The following COL25A1 variants were observed in gnomAD, a reference collection of about 807,000 sequenced individuals.
The protein encoded by COL25A1 is collagen type XXV alpha 1 chain.
COL25A1 carries 103 observed loss-of-function variants against 128.4 expected under a neutral mutation model. That is an observed-to-expected ratio of 0.80 (90% CI 0.68 to 0.94). The LOEUF (loss-of-function observed/expected upper bound fraction) is 0.94, where lower values mean the gene tolerates loss of function less well. COL25A1 is among the 40% of genes least tolerant of loss of function. The pLI, the probability that COL25A1 is intolerant of heterozygous loss-of-function variation, is 0.00. For missense variants in COL25A1, 745 were observed against 840.0 expected, an observed-to-expected ratio of 0.89 and a Z score of 1.40; for synonymous variants, 279 against 277.2, an observed-to-expected ratio of 1.01 and a Z score of -0.06.
At chr4:109,226,014 C>T (rs1778778747) in intron 3 of COL25A1, among the ~76,000 whole-genome samples, 2 of 151,932 alleles carry the variant, frequency 1.3e-5, no homozygotes, top group South Asian at 4.2e-4. Context: ...CACACACACA[C>T]ACACACACAC....
chr4:109,192,841 G>A (rs933283430), intron 3 of COL25A1, among the ~76,000 whole-genome samples: 3 of 150,830 alleles, frequency 2.0e-5, no homozygotes, highest in Non-Finnish European at 2.9e-5. Flanking sequence ...GCAACAGAGC[G>A]AGACTCTGTC....
chr4:108,941,411 C>G lies in COL25A1; in HGVS notation c.519G>C (p.Gly173=). Residue 173 remains glycine, a synonymous_variant, in exon 9 of 38, where the codon GGG becomes GGC. Transcript: ENST00000399132. ...PRMVFPKINH[G]FLSADQQLIK... is the part of the protein sequence containing the mutation. Reference sequence around the variant, plus strand: ...TGAGCTGCTGATCAGCAGAGAGAAACCCATGATTGATTTTAGGAAACACCA... The same window carrying G: ...TGAGCTGCTGATCAGCAGAGAGAAAGCCATGATTGATTTTAGGAAACACCA... 6.2e-7 allele frequency: 1 copy of G among 1,613,884 alleles called. No individual in the cohort carries two copies. Among genetic ancestry groups the G allele is most frequent in the Non-Finnish European group, 8.5e-7 (1 of 1,179,886 alleles).
intron 11 of COL25A1, among the ~76,000 whole-genome samples, chr4:108,933,401 GAGA>G (rs1746986088): frequency 6.6e-6 from 1 of 152,142 alleles, no homozygotes. Context: ...ATAAGTGGGC[GAGA>G]AGGAGAATGT....
intron 3 of COL25A1, among the ~76,000 whole-genome samples, chr4:109,187,630 A>C: frequency 6.6e-6 from 1 of 152,336 alleles, no homozygotes; most frequent in African/African-American, 2.4e-5. Flanking sequence ...AATGAAGCTA[A>C]TAGACAGTTT....
intron 3 of COL25A1, among the ~76,000 whole-genome samples, chr4:109,293,193 C>A (rs551518019): frequency 4.6e-5 from 7 of 152,014 alleles, no homozygotes; most frequent in East Asian, 3.9e-4. Flanking sequence ...TCTTAAAGAT[C>A]AAAAATGGAG....
intron 3 of COL25A1, among the ~76,000 whole-genome samples, chr4:109,132,168 G>A (rs1318170101): frequency 6.6e-6 from 1 of 152,142 alleles, no homozygotes; most frequent in Non-Finnish European, 1.5e-5. Context: ...ACCCAACAAA[G>A]CCTCATGGAG....
chr4:108,942,308 A>G, intron 8 of COL25A1: 1 of 1,531,612 alleles, frequency 6.5e-7, no homozygotes, highest in Non-Finnish European at 8.8e-7. Flanking sequence ...ACGACATAAA[A>G]CGTCACACAG....
In COL25A1 at chr4:108,811,708, G is replaced by C. The variant is rs1057119494; in HGVS notation, c.*2219C>G. On this transcript the variant is annotated 3_prime_UTR_variant, in exon 38 of 38. Coordinates refer to ENST00000399132, the MANE Select transcript of COL25A1 (RefSeq NM_198721.4). ...CTAACACCATGCCATACAAGAAATT[G>C]TTAGAAAATGTCCTCCATTATTTTC... The C allele has an allele frequency of 1.3e-5, 2 of 152,076 alleles. No individual in the cohort carries two copies. The highest frequency in any genetic ancestry group is 4.8e-5 in the African/African-American group (2 of 41,428). The allele number at this position is 152,076 out of a possible 1,614,324, so 9.4% of individuals were successfully genotyped here.
chr4:109,028,443 G>T (rs557665919), intron 5 of COL25A1, among the ~76,000 whole-genome samples: 1 of 152,188 alleles, frequency 6.6e-6, no homozygotes, highest in African/African-American at 2.4e-5. Context: ...AGAAGAAAAA[G>T]GGGCCAGGCC....
chr4:108,959,053 T>C (rs1381521030), intron 8 of COL25A1, among the ~76,000 whole-genome samples: 1 of 152,114 alleles, frequency 6.6e-6, no homozygotes, highest in African/African-American at 2.4e-5. Context: ...CATCATAACA[T>C]CAAAAGCAAA....
At position 108,834,078 on chromosome 4, in the gene COL25A1, T is replaced by C. The variant is rs140176029; in HGVS notation, c.1657-1645A>G. Among the ~76,000 whole-genome samples the C allele has an allele frequency of 4.5e-3, 691 of 152,328 alleles. 8 individuals carry two copies. Among genetic ancestry groups the C allele is most frequent in the African/African-American group, 0.016 (655 of 41,568 alleles). On this transcript the variant is annotated intron_variant, in intron 31 of 37. Coordinates refer to ENST00000399132, the MANE Select transcript of COL25A1 (RefSeq NM_198721.4). The stretch of plus-strand genomic sequence containing the variant: ...GGAATTCTAAGACAATGAAGCCCAT[T>C]AGTCTGGTCATTCTTCCCACCTAGC...
intron 19 of COL25A1, among the ~76,000 whole-genome samples, chr4:108,876,820 T>C (rs1678184492): frequency 6.6e-6 from 1 of 152,206 alleles, no homozygotes; most frequent in Non-Finnish European, 1.5e-5. Context: ...GGTCTTCTCC[T>C]GGATATTGCA....
intron 3 of COL25A1, among the ~76,000 whole-genome samples, chr4:109,283,220 G>A (rs1241518368): frequency 6.6e-6 from 1 of 151,988 alleles, no homozygotes; most frequent in African/African-American, 2.4e-5. Context: ...AGCTTAGTTG[G>A]GTCACTGAAC....
chr4:109,043,845 A>C (rs2125931922), intron 5 of COL25A1, among the ~76,000 whole-genome samples: 1 of 152,274 alleles, frequency 6.6e-6, no homozygotes, highest in Admixed American at 6.5e-5. Flanking sequence ...CCAAAATAGA[A>C]GGTACCATTT....
At position 109,271,804 on chromosome 4, in the gene COL25A1, T is replaced by G. The variant is rs185791240; in HGVS notation, c.367+28779A>C. On this transcript the variant is annotated intron_variant, in intron 3 of 37. Coordinates refer to ENST00000399132, the MANE Select transcript of COL25A1 (RefSeq NM_198721.4). ...CTGAGGAAAAAAGTGTATAATTTTA[T>G]AGTATCACACTAAACTTTTTCAAAG... Among the ~76,000 whole-genome samples, 3 of 152,362 alleles carry G rather than the reference T, an allele frequency of 2.0e-5. No homozygotes were observed. In the East Asian group the frequency reaches 5.8e-4, roughly 29 times the overall value.
intron 13 of COL25A1, among the ~76,000 whole-genome samples, chr4:108,912,265 G>A (rs1258745604): frequency 6.6e-6 from 1 of 152,032 alleles, no homozygotes; most frequent in Non-Finnish European, 1.5e-5. Context: ...GCTTCTTTTA[G>A]AAGAAAAGCA....
intron 31 of COL25A1, among the ~76,000 whole-genome samples, chr4:108,833,092 C>T (rs562064419): frequency 1.1e-3 from 160 of 150,934 alleles, no homozygotes; most frequent in Non-Finnish European, 1.8e-3. Context: ...TTCTCTACAC[C>T]CACTGCCACC....
chr4:109,290,276 CA>C (rs1273085079), intron 3 of COL25A1, among the ~76,000 whole-genome samples: 1 of 151,768 alleles, frequency 6.6e-6, no homozygotes, highest in South Asian at 2.1e-4. Context: ...TTTAAAATTC[CA>C]AAAATGGTAA....
chr4:109,237,119 T>C (rs1779528533), intron 3 of COL25A1, among the ~76,000 whole-genome samples: 1 of 152,082 alleles, frequency 6.6e-6, no homozygotes, highest in Admixed American at 6.6e-5. Context: ...TTACAAGAGA[T>C]AGCACTTACA....
Sources: gnomAD v4.1 joint callset for allele counts (sites outside exome capture counted in the v4.1 genomes callset) on GRCh38, gnomAD v4.1.1 for gene constraint, MANE v1.5 for transcripts, NCBI Gene and HGNC (gene_info 2026-07-23, HGNC 2026-07-21) for gene names.